KHDRBS2: variants seen among roughly 807,000 people sequenced by gnomAD.
KHDRBS2 encodes KH domain-containing, RNA-binding, signal transduction-associated protein 2.
KHDRBS2 carries 26 observed loss-of-function variants against 44.3 expected under a neutral mutation model. The observed-to-expected ratio is 0.59, with a 90% CI of 0.43 to 0.81. The LOEUF is 0.81. KHDRBS2 is among the 40% of genes least tolerant of loss of function. The pLI, the probability that KHDRBS2 is intolerant of heterozygous loss-of-function variation, is 0.00. For missense variants in KHDRBS2, 476 were observed against 433.1 expected, an observed-to-expected ratio of 1.10 and a Z score of -0.88; for synonymous variants, 194 against 151.1, an observed-to-expected ratio of 1.28 and a Z score of -2.08.
intron 6 of KHDRBS2, among the ~76,000 whole-genome samples, chr6:61,814,733 C>T (rs1033996190): frequency 6.6e-6 from 1 of 152,086 alleles, no homozygotes; most frequent in African/African-American, 2.4e-5. Flanking sequence ...ATAAATAACA[C>T]AGTGAAAATA....
At chr6:62,274,436 T>A (rs1290335308) in intron 1 of KHDRBS2, among the ~76,000 whole-genome samples, 1 of 152,168 alleles carries the variant, frequency 6.6e-6, no homozygotes, top group Non-Finnish European at 1.5e-5. Context: ...TCTTAACATA[T>A]TTTACAAGGT....
At chr6:61,836,821 T>C (rs1020977824) in intron 6 of KHDRBS2, among the ~76,000 whole-genome samples, 7 of 152,054 alleles carry the variant, frequency 4.6e-5, no homozygotes, top group African/African-American at 1.7e-4. Context: ...TCCAAAGTCA[T>C]CATATTACTT....
chr6:62,151,199 C>T (rs1001407572), intron 2 of KHDRBS2, among the ~76,000 whole-genome samples: 21 of 152,244 alleles, frequency 1.4e-4, no homozygotes, highest in African/African-American at 4.8e-4. Flanking sequence ...CTTCAGTTTC[C>T]TCATCTCTAA....
At chr6:61,606,815 A>T in the KHDRBS2 span, among the ~76,000 whole-genome samples, 1 of 152,166 alleles carries the variant, frequency 6.6e-6, no homozygotes, top group East Asian at 1.9e-4. Context: ...AATATCTTCC[A>T]CAAAAAGCAG....
Position 61,769,306 on chromosome 6 carries a change from C to G in KHDRBS2, c.811-36542G>C, listed in dbSNP as rs538978619. Among the ~76,000 whole-genome samples the G allele has an allele frequency of 6.6e-4, 100 of 152,166 alleles. 2 individuals are homozygous for G. The South Asian group carries it at 7.5e-3, about 11-fold the overall frequency. The stretch of plus-strand genomic sequence containing the variant: ...GTTCATCTCACTGGAGAGTGCCAGA[C>G]AGTAGGTACAGGACAGTGGGTGCAG... On this transcript the variant is annotated intron_variant, in intron 6 of 8. Transcript: ENST00000281156.
the KHDRBS2 span, among the ~76,000 whole-genome samples, chr6:61,657,905 C>G: frequency 1.2e-4 from 18 of 151,812 alleles, no homozygotes; most frequent in Non-Finnish European, 2.4e-4. Flanking sequence ...GGTTCTGGGT[C>G]AAGAAACAAA....
chr6:61,573,063 G>A, the KHDRBS2 span, among the ~76,000 whole-genome samples: 1 of 152,038 alleles, frequency 6.6e-6, no homozygotes, highest in Non-Finnish European at 1.5e-5. Context: ...TGTGTACCTA[G>A]AAAACCCTAA....
chr6:61,771,990 T>A (rs1780999186), intron 6 of KHDRBS2, among the ~76,000 whole-genome samples: 1 of 152,158 alleles, frequency 6.6e-6, no homozygotes, highest in African/African-American at 2.4e-5. Context: ...AAACTGTATC[T>A]CAGACCACAG....
chr6:62,196,559 T>G (rs1474815946), intron 1 of KHDRBS2, among the ~76,000 whole-genome samples: 7 of 148,270 alleles, frequency 4.7e-5, no homozygotes, highest in African/African-American at 1.8e-4. Flanking sequence ...GTCTGAGGTA[T>G]GTACATCTGT....
At chr6:61,867,678 A>T (rs1797984422) in intron 6 of KHDRBS2, among the ~76,000 whole-genome samples, 1 of 152,038 alleles carries the variant, frequency 6.6e-6, no homozygotes, top group African/African-American at 2.4e-5. Context: ...TTTGGCTTTT[A>T]ACAGTCTGTC....
chr6:61,852,474 G>T (rs2127285840), intron 6 of KHDRBS2, among the ~76,000 whole-genome samples: 1 of 149,476 alleles, frequency 6.7e-6, no homozygotes, highest in East Asian at 2.0e-4. Context: ...TGAGGCAGGA[G>T]AATCATTTGA....
At chr6:61,776,859 T>C (rs1367726236) in intron 6 of KHDRBS2, among the ~76,000 whole-genome samples, 3 of 152,206 alleles carry the variant, frequency 2.0e-5, no homozygotes, top group Non-Finnish European at 2.9e-5. Context: ...AGTGGCACTA[T>C]TCACAATAGG....
At chr6:62,065,841 A>T (rs1464264578) in intron 2 of KHDRBS2, among the ~76,000 whole-genome samples, 1 of 151,916 alleles carries the variant, frequency 6.6e-6, no homozygotes, top group Non-Finnish European at 1.5e-5. Context: ...GAATATGCTT[A>T]TAAAAATGAT....
At chr6:61,952,054 T>C (rs1287739281) in intron 4 of KHDRBS2, among the ~76,000 whole-genome samples, 1 of 152,092 alleles carries the variant, frequency 6.6e-6, no homozygotes, top group Non-Finnish European at 1.5e-5. Context: ...AGTGACACTG[T>C]ATTTATTTGA....
At chr6:61,948,683 TTATTA>T (rs1764115687) in intron 4 of KHDRBS2, among the ~76,000 whole-genome samples, 2 of 148,686 alleles carry the variant, frequency 1.3e-5, no homozygotes, top group Non-Finnish European at 3.0e-5. Context: ...ATTATTATTA[TTATTA>T]TTATTTTAGA....
chr6:61,707,426 A>G (rs558552875), intron 7 of KHDRBS2, among the ~76,000 whole-genome samples: 2 of 151,910 alleles, frequency 1.3e-5, no homozygotes, highest in African/African-American at 4.8e-5. Flanking sequence ...TTCCAATATA[A>G]AAATAGAAGT....
At chr6:61,578,428 C>T in the KHDRBS2 span, among the ~76,000 whole-genome samples, 1 of 152,052 alleles carries the variant, frequency 6.6e-6, no homozygotes, top group African/African-American at 2.4e-5. Context: ...CTGTAAAATC[C>T]CGGACTTTTA....
chr6:61,607,324 A>T, the KHDRBS2 span, among the ~76,000 whole-genome samples: 1 of 151,560 alleles, frequency 6.6e-6, no homozygotes, highest in South Asian at 2.1e-4. Flanking sequence ...AATACTGCAC[A>T]ATTTAATAAA....
intron 7 of KHDRBS2, among the ~76,000 whole-genome samples, chr6:61,729,580 T>A (rs1774115280): frequency 6.6e-6 from 1 of 152,176 alleles, no homozygotes; most frequent in East Asian, 1.9e-4. Context: ...TTGCAGTTGC[T>A]CCACATCCTC....
Sources: gnomAD v4.1 joint callset for allele counts (sites outside exome capture counted in the v4.1 genomes callset) on GRCh38, gnomAD v4.1.1 for gene constraint, MANE v1.5 for transcripts, NCBI Gene and HGNC (gene_info 2026-07-23, HGNC 2026-07-21) for gene names.